The following ZNF512B variants were observed in gnomAD, a reference collection of about 807,000 sequenced individuals.
ZNF512B encodes zinc finger protein 512B.
In ZNF512B, 22 loss-of-function variants were observed where a neutral mutation model predicts 87.8. The observed-to-expected ratio is 0.25, with a 90% CI of 0.18 to 0.36. ZNF512B has a LOEUF of 0.36. ZNF512B is among the 10% of genes least tolerant of loss of function. ZNF512B has a pLI of 1.00. For synonymous variants in ZNF512B, 524 were observed against 490.9 expected (o/e 1.07, Z -0.89); for missense variants, 1,060 against 1,231.6 (o/e 0.86, Z 2.09).
Position 63,959,176 on chromosome 20 carries a change from G to GC in ZNF512B, c.*711dup, listed in dbSNP as rs573996007. On this transcript the variant is annotated 3_prime_UTR_variant, in exon 17 of 17. Coordinates refer to ENST00000369888, the MANE Select transcript of ZNF512B (RefSeq NM_020713.3). The stretch of plus-strand genomic sequence containing the variant: ...GTACAAGAAGCAAAACCCCTCCCTT[G>GC]CCCCAAGCTGGGAGAATTACAGACA... 2 of 152,874 alleles carry GC rather than the reference G, an allele frequency of 1.3e-5. No individual in the cohort carries two copies. The highest frequency in any genetic ancestry group is 4.8e-5 in the African/African-American group (2 of 41,564). 9.5% of individuals were successfully genotyped at this position (152,874 alleles called of 1,614,324 possible). A position where few individuals can be genotyped will look rare whatever the true frequency, so the allele number is the denominator to read the frequency against.
Position 63,961,814 on chromosome 20 carries a change from G to T in ZNF512B, c.2328+128C>A. 2 of 980,276 alleles carry T rather than the reference G, an allele frequency of 2.0e-6. No individual in the cohort carries two copies. Among genetic ancestry groups the T allele is most frequent in the South Asian group, 3.0e-5 (2 of 66,422 alleles). The allele number at this position is 980,276 out of a possible 1,614,324, so 60.7% of individuals were successfully genotyped here. A position where few individuals can be genotyped will look rare whatever the true frequency, so the allele number is the denominator to read the frequency against. On this transcript the variant is annotated intron_variant, in intron 15 of 16. Coordinates refer to ENST00000369888, the MANE Select transcript of ZNF512B (RefSeq NM_020713.3). This position sits in a 1 kb window ranked among gnomAD's most constrained non-coding sequence, Gnocchi z 6.4. ...CCGGCCAGTCTCTGGGTTCGTGGAA[G>T]AGGAGGCCACGTAGAAAAAGTAGGG...
Position 63,961,197 on chromosome 20 carries a change from G to T in ZNF512B, c.2427+112C>A. The T allele has an allele frequency of 1.1e-6, 1 of 941,966 alleles. No homozygotes were observed. Among genetic ancestry groups the T allele is most frequent in the Non-Finnish European group, 1.7e-6 (1 of 603,622 alleles). 58.4% of individuals were successfully genotyped at this position (941,966 alleles called of 1,614,324 possible). On this transcript the variant is annotated intron_variant, in intron 16 of 16. Transcript: ENST00000369888. The surrounding 1 kb of genome is among the most constrained non-coding windows in gnomAD (Gnocchi z 6.4). ...TTTCTCCACATTGGCCACTCTCCCA[G>T]GCACACCCCATGCAGGCCACTGACC...
chr20:63,969,415 C>G (rs1217036888), intron 1 of ZNF512B, among the ~76,000 whole-genome samples: 8 of 151,890 alleles, frequency 5.3e-5, no homozygotes, highest in Non-Finnish European at 8.8e-5. Flanking sequence ...ACGCCAGCAG[C>G]GGGTCCGCCG....
rs763580366 is a variant in ZNF512B, at chr20:63,966,789, G to A, written c.394-8C>T. 1.6e-5 allele frequency: 26 copies of A among 1,599,730 alleles called. No homozygotes were observed. The highest frequency in any genetic ancestry group is 2.2e-5 in the Non-Finnish European group (26 of 1,172,690). ...GCGATCTGAGATGGCACCCTGGGCA[G>A]GGAAGGGAAGGTTTGGGACAGGGCC... is the stretch of plus-strand genomic sequence containing the variant. On this transcript the variant is annotated splice_region_variant and splice_polypyrimidine_tract_variant and intron_variant, in intron 4 of 16. Transcript: ENST00000369888.
rs371234182 is a variant in ZNF512B, at chr20:63,966,305, G to A, written c.870C>T (p.Val290=). ...KLVTVTKPVP[V]TKPVTVSRPI... is the part of the protein sequence containing the mutation. ...GCCTGCTGACTGTCACTGGCTTGGT[G>A]ACCGGCACGGGTTTCGTAACTGTCA... is the stretch of plus-strand genomic sequence containing the variant. Residue 290 remains valine, a synonymous_variant, in exon 5 of 17, where the codon GTC becomes GTT. Coordinates refer to ENST00000369888, the MANE Select transcript of ZNF512B (RefSeq NM_020713.3). The A allele has an allele frequency of 1.9e-6, 3 of 1,594,430 alleles. No individual in the cohort carries two copies. The highest frequency in any genetic ancestry group is 1.7e-6 in the Non-Finnish European group (2 of 1,166,316).
rs2058845730 is a variant in ZNF512B, at chr20:63,961,067, TG to T, written c.2427+241del. On this transcript the variant is annotated intron_variant, in intron 16 of 16. Transcript: ENST00000369888. This position sits in a 1 kb window ranked among gnomAD's most constrained non-coding sequence, Gnocchi z 6.4. The stretch of plus-strand genomic sequence containing the variant: ...AGGCAAGCACCTGCAGCAGGGCTGC[TG>T]GGGGCTGGAAAGGCGGACACCCCGA... Among the ~76,000 whole-genome samples the T allele has an allele frequency of 6.6e-6, 1 of 152,064 alleles. No homozygotes were observed. The highest frequency in any genetic ancestry group is 1.5e-5 in the Non-Finnish European group (1 of 67,980).
In ZNF512B at chr20:63,963,453, T is replaced by TGAGCATCGGTGACCCGGC; in HGVS notation, c.1699-31_1699-14dup. 6.5e-7 allele frequency: 1 copy of TGAGCATCGGTGACCCGGC among 1,545,638 alleles called. No individual in the cohort carries two copies. ...CGGCGTCAGAGGGCTGGGGACAGGG[T>TGAGCATCGGTGACCCGGC]GAGCATCGGTGACCCGGCACCATCG... On this transcript the variant is annotated splice_polypyrimidine_tract_variant and intron_variant, in intron 10 of 16. Transcript: ENST00000369888.
In ZNF512B at chr20:63,961,346, C is replaced by T. The variant is rs770891518; in HGVS notation, c.2390G>A (p.Ser797Asn). The T allele has an allele frequency of 3.7e-6, 6 of 1,612,874 alleles. No individual in the cohort carries two copies. In the Admixed American group the frequency reaches 8.3e-5, roughly 22 times the overall value. ...CTTCAGGATGTGGTATTTGACGCCA[C>T]TCTCAGAACTGAACTCCTTCGGACA... The part of the protein sequence containing the change: ...LLCPKEFSSE[S>N]GVKYHILKTH... Residue 797 changes from serine to asparagine, a missense_variant, in exon 16 of 17, where the codon AGT (serine) becomes AAT (asparagine). Ser to Asn is a conservative substitution (Grantham distance 46). This residue lies in a region of ZNF512B where 253 missense variants were observed against 259.2 expected (regional missense o/e 0.98). Transcript: ENST00000369888. The surrounding 1 kb of genome is among the most constrained non-coding windows in gnomAD (Gnocchi z 6.4).
rs2058874118 is a variant in ZNF512B at position 63,963,103 on chromosome 20, T to C, written c.1960A>G (p.Thr654Ala). ...AACAGAGAGCCACTCACGGGGGCCG[T>C]GTGCTCCGAGCGCACGTGGTAGTCG... ...GHDYHVRSEH[T>A]APPPEEPTDK... Residue 654 changes from threonine to alanine, a missense_variant, in exon 12 of 17, where the codon ACG becomes GCG. This residue lies in a region of ZNF512B where 165 missense variants were observed against 173.0 expected (regional missense o/e 0.95). Transcript: ENST00000369888. The C allele has an allele frequency of 1.9e-6, 3 of 1,557,932 alleles. No individual in the cohort carries two copies. The highest frequency in any genetic ancestry group is 2.6e-6 in the Non-Finnish European group (3 of 1,158,772).
In ZNF512B at chr20:63,966,967, G is replaced by A. The variant is rs1241906500; in HGVS notation, c.302C>T (p.Ala101Val). 6.2e-7 allele frequency: 1 copy of A among 1,613,730 alleles called. No homozygotes were observed. The highest frequency in any genetic ancestry group is 2.2e-5 in the East Asian group (1 of 44,884). The change falls in exon 4 of 17, where the codon GCA (alanine) becomes GTA (valine). Residue 101 changes from alanine (A) to valine (V), a missense_variant. Coordinates refer to ENST00000369888, the MANE Select transcript of ZNF512B (RefSeq NM_020713.3). ...LMNDWKDEFK[A>V]HSRVKCPNSG... ...GTTTGGACACTTCACCCTCGAGTGTGCCTTGAACTCATCCTTCCAGTCGTT... is the reference window on the plus strand; with the variant it reads ...GTTTGGACACTTCACCCTCGAGTGTACCTTGAACTCATCCTTCCAGTCGTT...
chr20:63,964,239 A>T, intron 7 of ZNF512B, 22 bp from the exon 8 acceptor site: 1 of 1,607,958 alleles, frequency 6.2e-7, no homozygotes, highest in Non-Finnish European at 8.5e-7. Flanking sequence ...CATGGGGTGG[A>T]GAGAAACAGG....
Position 63,961,564 on chromosome 20 carries a change from G to A in ZNF512B, c.2329-157C>T, listed in dbSNP as rs778570309. Among the ~76,000 whole-genome samples, 3 of 152,198 alleles carry A rather than the reference G, an allele frequency of 2.0e-5. No homozygotes were observed. Among genetic ancestry groups the A allele is most frequent in the Non-Finnish European group, 2.9e-5 (2 of 68,024 alleles). ...CAGGGGGCCACTGAGTTACCAGGGC[G>A]GCAGGGGTGGTAGGGGAGAGGAAGG... On this transcript the variant is annotated intron_variant, in intron 15 of 16. Coordinates refer to ENST00000369888, the MANE Select transcript of ZNF512B (RefSeq NM_020713.3). The surrounding 1 kb of genome is among the most constrained non-coding windows in gnomAD (Gnocchi z 6.4).
rs1300861097 is a variant in ZNF512B at position 63,964,573 on chromosome 20, C to T, written c.1178G>A (p.Ser393Asn). ...TGCCTCCATGCCCCCTGACGGCCTG[C>T]TGCCTGGCGACAAGGAGCCACTGCT... ...DTSSGSLSPG[S>N]RPSGGMEALK... is the part of the protein sequence containing the mutation. The change falls in exon 6 of 17, where the codon AGC becomes AAC. Residue 393 changes from serine to asparagine, a missense_variant. By Grantham distance (46) the Ser-to-Asn change is conservative. Around this residue, in one of 9 missense-constraint regions of ZNF512B, gnomAD observed 212 missense variants for 207.6 expected, o/e 1.02. Coordinates refer to ENST00000369888, the MANE Select transcript of ZNF512B (RefSeq NM_020713.3). The T allele has an allele frequency of 6.2e-7, 1 of 1,613,132 alleles. No homozygotes were observed. The highest frequency in any genetic ancestry group is 2.2e-5 in the East Asian group (1 of 44,864).
chr20:63,963,527 T>C, intron 10 of ZNF512B, 87 bp from the exon 11 acceptor site: 1 of 1,589,074 alleles, frequency 6.3e-7, no homozygotes, highest in Non-Finnish European at 8.6e-7. Context: ...TGGGCCACCG[T>C]TGTCCGAGGT....
intron 1 of ZNF512B, among the ~76,000 whole-genome samples, chr20:63,968,255 G>T (rs186802221): frequency 6.6e-6 from 1 of 152,202 alleles, no homozygotes; most frequent in Non-Finnish European, 1.5e-5. Flanking sequence ...TACAGTGTAC[G>T]CAGCTCCACA....
intron 1 of ZNF512B, among the ~76,000 whole-genome samples, chr20:63,969,595 G>A (rs868004469): frequency 8.9e-4 from 132 of 147,660 alleles, no homozygotes; most frequent in Middle Eastern, 3.4e-3. Context: ...GGCGCGGGGT[G>A]GGGGGGCGAA....
chr20:63,964,669 C>T lies in ZNF512B; in HGVS notation c.1082G>A (p.Arg361Lys), dbSNP rs957207004. 6.2e-6 allele frequency: 10 copies of T among 1,612,114 alleles called. No individual in the cohort carries two copies. In the African/African-American group the frequency reaches 1.2e-4, roughly 19 times the overall value. The change falls in exon 6 of 17, where the codon AGG becomes AAG. Residue 361 changes from arginine to lysine, a missense_variant. By Grantham distance (26) the Arg-to-Lys change is conservative (BLOSUM62 2). Around this residue, in one of 9 missense-constraint regions of ZNF512B, gnomAD observed 212 missense variants for 207.6 expected, o/e 1.02. Transcript: ENST00000369888. ...DTCPIPPKQA[R>K]PENGEYGPSS... The stretch of plus-strand genomic sequence containing the variant: ...GGGGCCGTACTCCCCATTCTCTGGC[C>T]TGGCCTGCTTGGGTGGAATTGGGCA...
At chr20:63,969,399 C>T (rs992969386) in intron 1 of ZNF512B, among the ~76,000 whole-genome samples, 4 of 151,944 alleles carry the variant, frequency 2.6e-5, no homozygotes, top group African/African-American at 9.7e-5. Flanking sequence ...GCGCTGCGCG[C>T]AGGAGACGCC....
chr20:63,964,173 T>C lies in ZNF512B; in HGVS notation c.1378A>G (p.Lys460Glu). The C allele has an allele frequency of 6.3e-7, 1 of 1,599,510 alleles. No homozygotes were observed. ...TCCTCAGGGCCTGGCCCCTCCTGCT[T>C]CTTGGAGCGGTGAACTCGGGCCTTG... ...EDKARVHRSK[K>E]QEGPGPEDAR... The change falls in exon 8 of 17, where the codon AAG becomes GAG. Residue 460 changes from lysine (K) to glutamate (E), a missense_variant. Lys to Glu is a moderately conservative substitution (Grantham distance 56). Coordinates refer to ENST00000369888, the MANE Select transcript of ZNF512B (RefSeq NM_020713.3).
Sources: allele counts gnomAD v4.1 joint callset (sites outside exome capture counted in the v4.1 genomes callset), GRCh38; gene constraint gnomAD v4.1.1; regional missense constraint gnomAD v4.1.1; non-coding constraint Gnocchi (gnomAD v3.1); transcripts MANE v1.5; gene names NCBI Gene and HGNC (gene_info 2026-07-23, HGNC 2026-07-21).